The following CPVL variants were observed in gnomAD, a reference collection of about 807,000 sequenced individuals.
The protein encoded by CPVL is probable serine carboxypeptidase CPVL.
A neutral mutation model predicts 63.7 loss-of-function variants in CPVL; 51 were observed. That is an observed-to-expected ratio of 0.80 (90% CI 0.64 to 1.01). CPVL has a LOEUF of 1.01. Among genes scored for constraint, CPVL ranks in the 50% least tolerant of loss-of-function variants. CPVL has a pLI of 0.00. For synonymous variants in CPVL, 195 were observed against 206.0 expected, an observed-to-expected ratio of 0.95 and a Z score of 0.46; for missense variants, 530 against 573.1, an observed-to-expected ratio of 0.92 and a Z score of 0.77.
rs528333640 is a variant in CPVL at position 29,009,659 on chromosome 7, C to A, written c.1321-13777G>T. 10 of 152,152 alleles carry A rather than the reference C, an allele frequency of 6.6e-5. No homozygotes were observed. The East Asian group carries it at 1.9e-3, about 29-fold the overall frequency. The allele number at this position is 152,152 out of a possible 1,614,324, so 9.4% of individuals were successfully genotyped here. On this transcript the variant is annotated intron_variant, in intron 12 of 12. Coordinates refer to ENST00000265394, the MANE Select transcript of CPVL (RefSeq NM_031311.5). ...TTGCAAAATACATACAGAATAATTT[C>A]TTTTCTATAAAATTAAACATGAAAA...
intron 7 of CPVL, among the ~76,000 whole-genome samples, chr7:29,074,916 T>A (rs936714994): frequency 1.3e-5 from 2 of 152,002 alleles, no homozygotes; most frequent in African/African-American, 2.4e-5. Context: ...AGTTTACGAT[T>A]TCTTAGATTA....
chr7:29,092,139 T>C (rs78529798), intron 6 of CPVL, among the ~76,000 whole-genome samples: 10,237 of 151,088 alleles, frequency 0.068, 497 homozygotes, highest in East Asian at 0.25. Context: ...GGAGAAATTA[T>C]ATGGACACTG....
intron 11 of CPVL, among the ~76,000 whole-genome samples, chr7:29,054,616 T>C (rs113669007): frequency 5.3e-4 from 81 of 152,356 alleles, no homozygotes; most frequent in African/African-American, 1.9e-3. Flanking sequence ...CCACTGCTTA[T>C]TGTATATGTG....
At chr7:29,169,483 G>A (rs1185579381) in intron 5 of CPVL, among the ~76,000 whole-genome samples, 2 of 151,976 alleles carry the variant, frequency 1.3e-5, no homozygotes, top group South Asian at 2.1e-4. Flanking sequence ...ATAATGTTAT[G>A]TTAAAAATAA....
intron 10 of CPVL, among the ~76,000 whole-genome samples, chr7:29,064,672 T>G (rs2128564894): frequency 6.6e-6 from 1 of 152,282 alleles, no homozygotes; most frequent in African/African-American, 2.4e-5. Flanking sequence ...GCTAAGAATT[T>G]CTTTTCTGTG....
chr7:29,168,104 A>G (rs973041083), intron 5 of CPVL, among the ~76,000 whole-genome samples: 2 of 152,220 alleles, frequency 1.3e-5, no homozygotes, highest in Non-Finnish European at 2.9e-5. Flanking sequence ...CTAGCATATC[A>G]TAACATACAG....
chr7:29,108,797 C>A (rs1787976196), intron 3 of CPVL, among the ~76,000 whole-genome samples: 2 of 152,180 alleles, frequency 1.3e-5, no homozygotes, highest in Non-Finnish European at 2.9e-5. Context: ...TCCCCAAGGT[C>A]ACCTTTAGCT....
intron 7 of CPVL, among the ~76,000 whole-genome samples, chr7:29,075,916 T>C (rs1029774589): frequency 6.7e-6 from 1 of 150,240 alleles, no homozygotes; most frequent in African/African-American, 2.4e-5. Flanking sequence ...TGAAATATTG[T>C]AATAAAATTT....
At chr7:29,146,573 T>TCTAGGCTCACATGAC, upstream of CPVL, 2 of 1,547,952 alleles carry the variant, frequency 1.3e-6, no homozygotes, top group Non-Finnish European at 1.7e-6. Flanking sequence ...TAAGCGCTCC[T>TCTAGGCTCACATGAC]CTAGGCTCAC....
rs117626005 is a variant in CPVL, at chr7:29,098,192, G to A, written c.289-1975C>T. ...TGCGTTCCATTGACCTGGATGGCGG[G>A]AGAAGGCTGAGGCAGAAGGCAAGAC... On this transcript the variant is annotated intron_variant, in intron 3 of 12. Coordinates refer to ENST00000265394, the MANE Select transcript of CPVL (RefSeq NM_031311.5). Among the ~76,000 whole-genome samples the A allele has an allele frequency of 4.6e-4, 70 of 152,284 alleles. 2 individuals carry two copies. The East Asian group carries it at 0.012, about 27-fold the overall frequency.
At chr7:29,152,616 C>T (rs1228792251) in intron 5 of CPVL, among the ~76,000 whole-genome samples, 1 of 152,126 alleles carries the variant, frequency 6.6e-6, no homozygotes, top group Admixed American at 6.5e-5. Context: ...CCCATCCACC[C>T]CACCCAGAGA....
intron 5 of CPVL, among the ~76,000 whole-genome samples, chr7:29,162,148 A>C (rs1199655053): frequency 3.3e-5 from 5 of 152,198 alleles, no homozygotes; most frequent in Non-Finnish European, 7.3e-5. Flanking sequence ...TTACTATACA[A>C]CTGAACAACA....
chr7:29,146,613 G>A (rs1334389260), upstream of CPVL: 1 of 1,550,464 alleles, frequency 6.4e-7, no homozygotes. Context: ...CAAAAAGTGC[G>A]TCGTCGTGTC....
rs191076101 is a variant in CPVL, at chr7:29,063,690, C to A, written c.1137+371G>T. On this transcript the variant is annotated intron_variant, in intron 11 of 12. Coordinates refer to ENST00000265394, the MANE Select transcript of CPVL (RefSeq NM_031311.5). ...GGTTCAAGTGATTCTCACGCCTCAA[C>A]CTCCCAAGTAGCTGGGATTACAGGC... Among the ~76,000 whole-genome samples, 31 of 152,298 alleles carry A rather than the reference C, an allele frequency of 2.0e-4. 1 individual carries two copies. Among genetic ancestry groups the A allele is most frequent in the Middle Eastern group, 6.8e-3 (2 of 294 alleles).
At chr7:29,079,057 T>G (rs17748925) in intron 7 of CPVL, among the ~76,000 whole-genome samples, 16,094 of 152,270 alleles carry the variant, frequency 0.11, 1,072 homozygotes, top group Middle Eastern at 0.15. Context: ...CTTATATCAC[T>G]TGAAACTTCC....
intron 6 of CPVL, among the ~76,000 whole-genome samples, chr7:29,089,711 T>G (rs1785576776): frequency 6.6e-6 from 1 of 152,178 alleles, no homozygotes; most frequent in Non-Finnish European, 1.5e-5. Flanking sequence ...TTAATCTGCA[T>G]GTAATTAAAA....
intron 5 of CPVL, among the ~76,000 whole-genome samples, chr7:29,161,000 CT>C (rs1795100990): frequency 6.6e-6 from 1 of 152,012 alleles, no homozygotes; most frequent in Non-Finnish European, 1.5e-5. Flanking sequence ...GTTTTTCCTG[CT>C]TTTTTAAACT....
intron 5 of CPVL, among the ~76,000 whole-genome samples, chr7:29,169,032 C>T (rs1005873902): frequency 1.3e-5 from 2 of 152,208 alleles, no homozygotes; most frequent in Non-Finnish European, 2.9e-5. Flanking sequence ...AAAATGGACT[C>T]AAATTGTGGT....
intron 1 of CPVL, chr7:29,193,034 G>C (rs565013333): frequency 6.6e-6 from 1 of 152,222 alleles, no homozygotes; most frequent in Admixed American, 6.5e-5. Flanking sequence ...GCATCATTTC[G>C]TGCAGTCCAC....
Sources: gnomAD v4.1 joint callset for allele counts (sites outside exome capture counted in the v4.1 genomes callset) on GRCh38, gnomAD v4.1.1 for gene constraint, MANE v1.5 for transcripts, NCBI Gene and HGNC (gene_info 2026-07-23, HGNC 2026-07-21) for gene names.